The following CCDC110 variants were observed in gnomAD, a reference collection of about 807,000 sequenced individuals.
The protein encoded by CCDC110 is coiled-coil domain containing 110.
In CCDC110, 70 loss-of-function variants were observed where a neutral mutation model predicts 77.1. The ratio of observed to expected loss-of-function variants is 0.91; its 90% CI spans 0.75 to 1.11. The LOEUF (loss-of-function observed/expected upper bound fraction) is 1.11, where lower values mean the gene tolerates loss of function less well. Ranked by LOEUF, CCDC110 falls within the 50% of genes least tolerant of loss-of-function variation. CCDC110 has a pLI of 0.00. For synonymous variants in CCDC110, 295 were observed against 312.5 expected (o/e 0.94, Z 0.59); for missense variants, 868 against 942.9 (o/e 0.92, Z 1.04).
Position 185,460,137 on chromosome 4 carries a change from A to T in CCDC110, c.450T>A (p.Ser150Arg), listed in dbSNP as rs2095643465. 1 of 1,613,384 alleles carries T rather than the reference A, an allele frequency of 6.2e-7. No individual in the cohort carries two copies. ...TTACACTTTGAGGGAGACTGTTCAC[A>T]CTATCACCACTTAATTTTTCTTCCA... ...HSVEEKLSGD[S>R]VNSLPQSVNV... The change falls in exon 6 of 7, where the codon AGT (serine) becomes AGA (arginine). Residue 150 changes from serine (S) to arginine (R), a missense_variant. By Grantham distance (110) the Ser-to-Arg change is moderately radical. Coordinates refer to ENST00000307588, the MANE Select transcript of CCDC110 (RefSeq NM_152775.4).
Position 185,459,452 on chromosome 4 carries a change from T to G in CCDC110, c.1135A>C (p.Arg379=). 6.2e-7 allele frequency: 1 copy of G among 1,613,594 alleles called. No homozygotes were observed. Among genetic ancestry groups the G allele is most frequent in the Non-Finnish European group, 8.5e-7 (1 of 1,179,636 alleles). Residue 379 remains arginine (R), a synonymous_variant, in exon 6 of 7, where the codon AGA becomes CGA. Transcript: ENST00000307588. ...TDLKFHSRVP[R]YTLSFLDQTK... is the part of the protein sequence containing the mutation. Reference sequence around the variant, plus strand: ...TGGTCGAGGAAGGACAGTGTGTATCTTGGAACTCTGGAATGGAATTTTAAA... The same window carrying G: ...TGGTCGAGGAAGGACAGTGTGTATCGTGGAACTCTGGAATGGAATTTTAAA...
At chr4:185,464,674 T>C (rs1384116250) in intron 2 of CCDC110, among the ~76,000 whole-genome samples, 1 of 152,120 alleles carries the variant, frequency 6.6e-6, no homozygotes, top group African/African-American at 2.4e-5. Flanking sequence ...CGAACTGTTG[T>C]TAATTTTAGG....
chr4:185,466,758 TA>T, intron 2 of CCDC110, among the ~76,000 whole-genome samples: 1 of 151,838 alleles, frequency 6.6e-6, no homozygotes, highest in South Asian at 2.1e-4. Flanking sequence ...TTTTTTTTTT[TA>T]AACCACAGGA....
intron 5 of CCDC110, 103 bp from the exon 6 acceptor site, chr4:185,460,341 G>A: frequency 1.3e-6 from 1 of 772,530 alleles, no homozygotes; most frequent in Non-Finnish European, 2.0e-6. Context: ...CCCTAAACAA[G>A]CATTTTATCC....
At position 185,468,987 on chromosome 4, in the gene CCDC110, A is replaced by G. The variant is rs1384165189; in HGVS notation, c.115+1958T>C. ...GCTCCACAAACGAATGAATGAATGAAAGCTCGGGTACAACAGGGTGCTGGG... is the reference window on the plus strand; with the variant it reads ...GCTCCACAAACGAATGAATGAATGAGAGCTCGGGTACAACAGGGTGCTGGG... On this transcript the variant is annotated intron_variant, in intron 2 of 6. Transcript: ENST00000307588. The surrounding 1 kb of genome is among the most constrained non-coding windows in gnomAD (Gnocchi z 4.5). Among the ~76,000 whole-genome samples, 1 of 152,198 alleles carries G rather than the reference A, an allele frequency of 6.6e-6. No homozygotes were observed. The highest frequency in any genetic ancestry group is 2.4e-5 in the African/African-American group (1 of 41,456).
intron 2 of CCDC110, among the ~76,000 whole-genome samples, chr4:185,469,854 C>T (rs1235842791): frequency 6.6e-6 from 1 of 152,156 alleles, no homozygotes. Flanking sequence ...AAATCCTGTC[C>T]CAACCTCAGT....
intron 2 of CCDC110, among the ~76,000 whole-genome samples, chr4:185,466,625 A>AGT (rs1351878145): frequency 6.6e-6 from 1 of 151,436 alleles, no homozygotes; most frequent in East Asian, 2.0e-4. Flanking sequence ...GCTGGAGTGC[A>AGT]GTGGCATGAT....
chr4:185,471,689 C>T lies in CCDC110; in HGVS notation c.-6G>A, dbSNP rs2095668484. ...CAACTCTTACCCGGGCTCATCGCCG[C>T]GGCTCATCTCTCTCGCAACCGCCGC... On this transcript the variant is annotated 5_prime_UTR_variant, in exon 1 of 7. Transcript: ENST00000307588. The T allele has an allele frequency of 2.6e-6, 4 of 1,547,384 alleles. No homozygotes were observed. Among genetic ancestry groups the T allele is most frequent in the Non-Finnish European group, 2.6e-6 (3 of 1,150,940 alleles).
Position 185,445,489 on chromosome 4 carries a change from A to G in CCDC110, c.*13T>C, listed in dbSNP as rs552215395. Reference sequence around the variant, plus strand: ...ATTTCTCGAAGGGAGTTTCTTAGCAATCTTGAGGAATCCTAATGATGCTTG... The same window carrying G: ...ATTTCTCGAAGGGAGTTTCTTAGCAGTCTTGAGGAATCCTAATGATGCTTG... On this transcript the variant is annotated 3_prime_UTR_variant, in exon 7 of 7. Coordinates refer to ENST00000307588, the MANE Select transcript of CCDC110 (RefSeq NM_152775.4). 3 of 1,561,966 alleles carry G rather than the reference A, an allele frequency of 1.9e-6. No individual in the cohort carries two copies. The highest frequency in any genetic ancestry group is 1.4e-5 in the African/African-American group (1 of 73,452).
chr4:185,471,358 G>T (rs2095667132), intron 1 of CCDC110, among the ~76,000 whole-genome samples: 1 of 149,758 alleles, frequency 6.7e-6, no homozygotes, highest in African/African-American at 2.4e-5. Context: ...GGCTGGGGCG[G>T]GGCGGAGGGA....
chr4:185,453,519 G>A (rs2095632001), intron 6 of CCDC110, among the ~76,000 whole-genome samples: 2 of 150,912 alleles, frequency 1.3e-5, no homozygotes, highest in South Asian at 4.2e-4. Flanking sequence ...AGCACAACTA[G>A]CAGTGGCAAA....
At position 185,445,458 on chromosome 4, in the gene CCDC110, T is replaced by C. The variant is rs781653069; in HGVS notation, c.*44A>G. The C allele has an allele frequency of 1.5e-6, 2 of 1,358,822 alleles. No homozygotes were observed. Among genetic ancestry groups the C allele is most frequent in the Admixed American group, 3.7e-5 (2 of 54,168 alleles). The allele number at this position is 1,358,822 out of a possible 1,614,324, so 84.2% of individuals were successfully genotyped here. On this transcript the variant is annotated 3_prime_UTR_variant, in exon 7 of 7. Transcript: ENST00000307588. ...AGTTCAGTTAGCAGTACAATTAACATTGGCTATTTCTCGAAGGGAGTTTCT... is the reference window on the plus strand; with the variant it reads ...AGTTCAGTTAGCAGTACAATTAACACTGGCTATTTCTCGAAGGGAGTTTCT...
At chr4:185,463,215 G>A (rs896293738) in intron 2 of CCDC110, among the ~76,000 whole-genome samples, 166 bp from the exon 3 acceptor site, 4 of 152,068 alleles carry the variant, frequency 2.6e-5, no homozygotes, top group African/African-American at 9.7e-5. Flanking sequence ...GATAATTCTC[G>A]CTTGACTTAA....
intron 6 of CCDC110, among the ~76,000 whole-genome samples, chr4:185,450,818 A>G (rs2095627906): frequency 6.6e-6 from 1 of 152,114 alleles, no homozygotes; most frequent in Non-Finnish European, 1.5e-5. Context: ...AGGTATTGAT[A>G]GCCCTCATTC....
chr4:185,464,316 G>T (rs1275026180), intron 2 of CCDC110, among the ~76,000 whole-genome samples: 2 of 152,126 alleles, frequency 1.3e-5, no homozygotes. Context: ...CTGGTTTGGA[G>T]CCTGGAGCTG....
rs1264645947 is a variant in CCDC110, at chr4:185,468,051, G to T, written c.115+2894C>A. Among the ~76,000 whole-genome samples, 2 of 152,216 alleles carry T rather than the reference G, an allele frequency of 1.3e-5. No individual in the cohort carries two copies. Among genetic ancestry groups the T allele is most frequent in the East Asian group, 1.9e-4 (1 of 5,196 alleles). On this transcript the variant is annotated intron_variant, in intron 2 of 6. Transcript: ENST00000307588. The surrounding 1 kb of genome is among the most constrained non-coding windows in gnomAD (Gnocchi z 4.5). ...CCCAAAATGCTGGGATTACAGGCGT[G>T]AGCCACCATGCCTGGCCGCAGGTTC...
At chr4:185,465,681 G>A (rs867602641) in intron 2 of CCDC110, among the ~76,000 whole-genome samples, 6 of 152,228 alleles carry the variant, frequency 3.9e-5, no homozygotes, top group African/African-American at 1.4e-4. Context: ...TCTGCTACAT[G>A]ATAATAGAGT....
In CCDC110 at chr4:185,445,864, G is replaced by A. The variant is rs144591052; in HGVS notation, c.2462-322C>T. On this transcript the variant is annotated intron_variant, in intron 6 of 6. Transcript: ENST00000307588. ...TATTTCTTTTTTATTTTTTTGAGACGGAGTTTCGCTCTTATTGCCCAGGCT... is the reference window on the plus strand; with the variant it reads ...TATTTCTTTTTTATTTTTTTGAGACAGAGTTTCGCTCTTATTGCCCAGGCT... Among the ~76,000 whole-genome samples, 818 of 151,870 alleles carry A rather than the reference G, an allele frequency of 5.4e-3. 3 individuals carry two copies. The highest frequency in any genetic ancestry group is 0.015 in the Admixed American group (229 of 15,266).
intron 2 of CCDC110, among the ~76,000 whole-genome samples, chr4:185,463,586 G>C (rs1243155271): frequency 6.6e-6 from 1 of 152,300 alleles, no homozygotes; most frequent in Non-Finnish European, 1.5e-5. Context: ...GAATGGGCCT[G>C]GGCCTGGAAC....
Sources: gnomAD v4.1 joint callset for allele counts (sites outside exome capture counted in the v4.1 genomes callset) on GRCh38, gnomAD v4.1.1 for gene constraint, Gnocchi (gnomAD v3.1) non-coding constraint, MANE v1.5 for transcripts, NCBI Gene and HGNC (gene_info 2026-07-23, HGNC 2026-07-21) for gene names.